CDH23: variants seen among roughly 807,000 people sequenced by gnomAD.
The protein encoded by CDH23 is cadherin-23.
CDH23 carries 189 observed loss-of-function variants against 317.1 expected under a neutral mutation model. The ratio of observed to expected loss-of-function variants is 0.60; its 90% CI spans 0.53 to 0.67. The LOEUF (loss-of-function observed/expected upper bound fraction) is 0.67, where lower values mean the gene tolerates loss of function less well. Among genes scored for constraint, CDH23 ranks in the 30% least tolerant of loss-of-function variants. The pLI, the probability that CDH23 is intolerant of heterozygous loss-of-function variation, is 0.00. For synonymous variants in CDH23, 1,839 were observed against 1,876.8 expected, an observed-to-expected ratio of 0.98 and a Z score of 0.52; for missense variants, 4,401 against 4,592.4, an observed-to-expected ratio of 0.96 and a Z score of 1.20.
In CDH23 at chr10:71,779,256, C is replaced by T. The variant is rs890503000; in HGVS notation, c.5188-11C>T. On this transcript the variant is annotated splice_polypyrimidine_tract_variant and intron_variant, in intron 40 of 69. Coordinates refer to ENST00000224721, the MANE Select transcript of CDH23 (RefSeq NM_022124.6). ...GGGTGAGGCCTTGGCTAAGCTTTTCCACCATCTCAGGTGCTTGTGAATGTG... is the reference window on the plus strand; with the variant it reads ...GGGTGAGGCCTTGGCTAAGCTTTTCTACCATCTCAGGTGCTTGTGAATGTG... 4 of 1,613,720 alleles carry T rather than the reference C, an allele frequency of 2.5e-6. No individual in the cohort carries two copies. The African/African-American group carries it at 5.3e-5, about 22-fold the overall frequency.
intron 49 of CDH23, 53 bp downstream of exon 49, chr10:71,797,273 G>C: frequency 1.6e-6 from 2 of 1,247,962 alleles, no homozygotes; most frequent in Non-Finnish European, 2.3e-6. Context: ...AATCAGGGCA[G>C]GGGGCAGGTG....
At chr10:71,459,136 G>GGT (rs1850849858) in intron 3 of CDH23, among the ~76,000 whole-genome samples, 2 of 130,860 alleles carry the variant, frequency 1.5e-5, no homozygotes, top group South Asian at 2.6e-4. Flanking sequence ...CACCGAGGCT[G>GGT]GCACGCAGTG....
chr10:71,404,398 C>T (rs1209938067), intron 1 of CDH23, among the ~76,000 whole-genome samples: 2 of 152,222 alleles, frequency 1.3e-5, no homozygotes, highest in Non-Finnish European at 2.9e-5. Flanking sequence ...TCCACAGTCC[C>T]GACCATTCCC....
rs1248650205 is a variant in CDH23 at position 71,813,246 on chromosome 10, C to A, written c.9636C>A (p.Gly3212=). The A allele has an allele frequency of 1.9e-6, 3 of 1,551,450 alleles. No individual in the cohort carries two copies. Among genetic ancestry groups the A allele is most frequent in the East Asian group, 4.9e-5 (2 of 40,932 alleles). ...GQIIREGPIK[G]SLLKVVLEDY... ...GGTTAACCCTTTCCCTCCCCCAGGGCTCGCTGCTGAAGGTGGTCCTGGAGG... is the reference window on the plus strand; with the variant it reads ...GGTTAACCCTTTCCCTCCCCCAGGGATCGCTGCTGAAGGTGGTCCTGGAGG... The change falls in exon 69 of 70, where the codon GGC becomes GGA. Residue 3212 remains glycine (G), a splice_region_variant and synonymous_variant. Coordinates refer to ENST00000224721, the MANE Select transcript of CDH23 (RefSeq NM_022124.6).
chr10:71,492,208 AG>A (rs960565887), intron 3 of CDH23, among the ~76,000 whole-genome samples: 3 of 152,178 alleles, frequency 2.0e-5, no homozygotes, highest in African/African-American at 7.2e-5. Context: ...TAAATGGCAA[AG>A]GGAGCTCTCT....
chr10:71,797,016 T>G, intron 48 of CDH23, 88 bp from the exon 49 acceptor site: 7 of 759,808 alleles, frequency 9.2e-6, no homozygotes, highest in East Asian at 2.8e-5. Context: ...TTTGTGGGGA[T>G]TGGGAGGGTT....
chr10:71,554,508 G>A (rs562088058), intron 6 of CDH23, among the ~76,000 whole-genome samples: 14 of 151,918 alleles, frequency 9.2e-5, no homozygotes, highest in East Asian at 1.9e-4. Context: ...GACTCCTTGC[G>A]TCTCTCAGTC....
At chr10:71,712,576 T>A in intron 27 of CDH23, 89 bp from the exon 28 acceptor site, 1 of 1,488,996 alleles carries the variant, frequency 6.7e-7, no homozygotes, top group Non-Finnish European at 9.2e-7. Context: ...GGCACCTCTC[T>A]GGCCGGTGCC....
intron 24 of CDH23, among the ~76,000 whole-genome samples, chr10:71,703,826 G>A (rs564749919): frequency 1.3e-5 from 2 of 152,354 alleles, no homozygotes; most frequent in East Asian, 1.9e-4. Flanking sequence ...GGGAGGCGGG[G>A]TGAGAGCAAG....
intron 6 of CDH23, among the ~76,000 whole-genome samples, chr10:71,538,451 G>C (rs746446412): frequency 6.6e-6 from 1 of 152,154 alleles, no homozygotes; most frequent in African/African-American, 2.4e-5. Context: ...AGGCCCAGAC[G>C]AGTGAAATGA....
At chr10:71,774,336 A>C (rs1840767803) in intron 38 of CDH23, among the ~76,000 whole-genome samples, 1 of 150,874 alleles carries the variant, frequency 6.6e-6, no homozygotes, top group Admixed American at 6.6e-5. Context: ...CACTGCTGGC[A>C]CCACTGGAAT....
chr10:71,777,980 G>T (rs1282292011), intron 39 of CDH23, 79 bp downstream of exon 39: 3 of 1,524,290 alleles, frequency 2.0e-6, no homozygotes, highest in Non-Finnish European at 2.7e-6. Context: ...ACACTGGAGG[G>T]GGATGGAGCA....
intron 11 of CDH23, among the ~76,000 whole-genome samples, chr10:71,635,680 G>A (rs1862235391): frequency 6.6e-6 from 1 of 151,638 alleles, no homozygotes; most frequent in African/African-American, 2.4e-5. Context: ...GAAAGAGGAA[G>A]GTGAGAGGGC....
rs865814664 is a variant in CDH23, at chr10:71,755,219, G to A, written c.4845+13298G>A. 97 of 836,262 alleles carry A rather than the reference G, an allele frequency of 1.2e-4. 1 individual carries two copies. The highest frequency in any genetic ancestry group is 9.8e-4 in the South Asian group (64 of 65,190). The allele number at this position is 836,262 out of a possible 1,614,324, so 51.8% of individuals were successfully genotyped here. On this transcript the variant is annotated intron_variant, in intron 38 of 69. Coordinates refer to ENST00000224721, the MANE Select transcript of CDH23 (RefSeq NM_022124.6). The stretch of plus-strand genomic sequence containing the variant: ...TCGGCCATTTCGCCCAGCTCCTGGC[G>A]GGAAGTGCAGCTGCTCCCAACTCTC...
chr10:71,727,517 C>T (rs1866870276), intron 30 of CDH23, among the ~76,000 whole-genome samples: 1 of 152,216 alleles, frequency 6.6e-6, no homozygotes, highest in Non-Finnish European at 1.5e-5. Context: ...ATTTTCCCAG[C>T]AGCAGGGGAG....
At chr10:71,599,990 CTTT>C (rs1174206523) in intron 9 of CDH23, among the ~76,000 whole-genome samples, 4 of 109,534 alleles carry the variant, frequency 3.7e-5, no homozygotes, top group Admixed American at 9.2e-5. Context: ...AATGTCTTTC[CTTT>C]TTTTTTTTTT....
intron 1 of CDH23, among the ~76,000 whole-genome samples, chr10:71,414,543 C>T (rs375299692): frequency 6.6e-6 from 1 of 152,106 alleles, no homozygotes. Flanking sequence ...TCTCATAACC[C>T]CTTATCTGTT....
At chr10:71,403,467 TTCCTTCCTTCC>T (rs1847945825) in intron 1 of CDH23, among the ~76,000 whole-genome samples, 2 of 63,070 alleles carry the variant, frequency 3.2e-5, no homozygotes, top group African/African-American at 2.6e-4. Flanking sequence ...CCTTCCTTCC[TTCCTTCCTTCC>T]TTCCTTCCTT....
At chr10:71,801,172 T>TTTA (rs869082174) in intron 53 of CDH23, among the ~76,000 whole-genome samples, 2 of 120,982 alleles carry the variant, frequency 1.7e-5, no homozygotes, top group Non-Finnish European at 1.8e-5. Flanking sequence ...TTTTTTTTTT[T>TTTA]GAGATGGAGT....
Sources: allele counts gnomAD v4.1 joint callset (sites outside exome capture counted in the v4.1 genomes callset), GRCh38; gene constraint gnomAD v4.1.1; transcripts MANE v1.5; gene names NCBI Gene and HGNC (gene_info 2026-07-23, HGNC 2026-07-21).